Variants in CENPI observed in about 807,000 individuals in gnomAD.
The protein encoded by CENPI is FSH primary response 1.
Under a neutral mutation model 60.4 loss-of-function variants are expected in CENPI, and 4 were observed. The observed-to-expected ratio is 0.07, with a 90% CI of 0.03 to 0.15. CENPI has a LOEUF of 0.15. Among genes scored for constraint, CENPI ranks in the 10% least tolerant of loss-of-function variants. CENPI has a pLI of 1.00. For synonymous variants in CENPI, 157 were observed against 189.4 expected (o/e 0.83, Z 1.40); for missense variants, 444 against 534.5 (o/e 0.83, Z 1.67).
intron 20 of CENPI, among the ~76,000 whole-genome samples, chrX:101,155,961 T>G (rs1244497421): frequency 8.9e-6 from 1 of 112,081 alleles, no homozygotes; most frequent in African/African-American, 3.2e-5. Context: ...TAATAATTAT[T>G]ATGATGATGC....
intron 2 of CENPI, 84 bp from the exon 3 acceptor site, chrX:101,100,967 TATACTAA>T (rs2089408039): frequency 9.0e-6 from 5 of 554,476 alleles, no homozygotes; most frequent in Non-Finnish European, 1.2e-5. Context: ...CTAGCTATTG[TATACTAA>T]ATACTGGAAA....
intron 16 of CENPI, among the ~76,000 whole-genome samples, chrX:101,144,185 CA>C (rs1436207002): frequency 9.9e-6 from 1 of 100,934 alleles, no homozygotes; most frequent in Non-Finnish European, 2.0e-5. Flanking sequence ...CCTCCTGAAG[CA>C]ATTCTCCTGC....
rs1052341077 is a variant in CENPI, at chrX:101,107,240, G to A, written c.365-2233G>A. 7.3e-5 allele frequency among the ~76,000 whole-genome samples: 8 copies of A among 109,660 alleles called. No individual in the cohort carries two copies. In the East Asian group the frequency reaches 8.5e-4, roughly 12 times the overall value. ...ATGTAACACCTCATGCAAAGTGTCC[G>A]TCAGTAGCTTTAAATAAATCAGTCT... is the stretch of plus-strand genomic sequence containing the variant. On this transcript the variant is annotated intron_variant, in intron 4 of 21. Transcript: ENST00000682095.
chrX:101,104,970 A>G (rs1218832947), intron 4 of CENPI, among the ~76,000 whole-genome samples: 1 of 111,891 alleles, frequency 8.9e-6, no homozygotes, highest in Non-Finnish European at 1.9e-5. Context: ...GCATACTTGC[A>G]GGGGTGTGTG....
chrX:101,118,629 G>T (rs1399453735), intron 6 of CENPI, among the ~76,000 whole-genome samples: 1 of 111,690 alleles, frequency 9.0e-6, no homozygotes, highest in Non-Finnish European at 1.9e-5. Context: ...CTAAATATTT[G>T]CCAGAAAGGC....
the CENPI span, among the ~76,000 whole-genome samples, chrX:101,181,336 T>A: frequency 9.8e-5 from 11 of 112,348 alleles, 1 homozygote; most frequent in Admixed American, 2.8e-4. Context: ...TGTCAATTTC[T>A]GCAAAGAAAG....
chrX:101,138,248 G>A (rs111513523), intron 15 of CENPI, among the ~76,000 whole-genome samples: 5 of 107,128 alleles, frequency 4.7e-5, no homozygotes, highest in African/African-American at 1.7e-4. Context: ...TCGGCCTCCC[G>A]AAGTTCTGGG....
chrX:101,122,425 G>T (rs2089688326), intron 8 of CENPI, among the ~76,000 whole-genome samples: 1 of 110,981 alleles, frequency 9.0e-6, no homozygotes, highest in African/African-American at 3.3e-5. Flanking sequence ...TAGTTCCATG[G>T]GTACGATTAT....
rs1476794444 is a variant in CENPI at position 101,101,199 on chromosome X, A to G, written c.129A>G (p.Ser43=). Residue 43 remains serine (S), a synonymous_variant, in exon 3 of 22, where the codon TCA becomes TCG. Transcript: ENST00000682095. ...KQDPSNSKNI[S]KHGQNNPVGD... ...ATCCAAGCAACTCGAAGAACATCTC[A>G]AAACATGGACAAAACAATCCAGTGG... 8.3e-7 allele frequency: 1 copy of G among 1,204,634 alleles called. No homozygotes were observed.
At chrX:101,143,537 A>G (rs747123873) in intron 16 of CENPI, among the ~76,000 whole-genome samples, 2 of 112,466 alleles carry the variant, frequency 1.8e-5, no homozygotes, top group Non-Finnish European at 3.8e-5. Context: ...ATACATATAT[A>G]TATTTTGAGA....
intron 18 of CENPI, among the ~76,000 whole-genome samples, chrX:101,147,223 T>TG (rs1232171012): frequency 9.0e-6 from 1 of 111,606 alleles, no homozygotes. Flanking sequence ...TTAATTTTTT[T>TG]TTTATTATTT....
intron 15 of CENPI, among the ~76,000 whole-genome samples, chrX:101,138,043 A>G (rs1198440871): frequency 5.8e-5 from 1 of 17,118 alleles, no homozygotes; most frequent in African/African-American, 2.3e-4. Flanking sequence ...GCTGGAGTGC[A>G]ATGGCAGGAT....
intron 16 of CENPI, among the ~76,000 whole-genome samples, chrX:101,144,249 A>T (rs1248333725): frequency 9.3e-6 from 1 of 107,587 alleles, no homozygotes; most frequent in Admixed American, 1.0e-4. Context: ...CACCTGGCTA[A>T]TTTTTGTATT....
At chrX:101,157,811 C>T (rs369025274) in intron 20 of CENPI, among the ~76,000 whole-genome samples, 1 of 110,252 alleles carries the variant, frequency 9.1e-6, no homozygotes, top group East Asian at 2.8e-4. Flanking sequence ...ATGTTAAGAA[C>T]ATCCCCAATC....
In CENPI at chrX:101,128,696, C is replaced by A. The variant is rs374129924; in HGVS notation, c.1075-20C>A. ...ACTTTTCAGATACTTAACTGTTGAT[C>A]GGTTGTTCTGTCATTGCAGCTGCCT... On this transcript the variant is annotated intron_variant, in intron 11 of 21. Coordinates refer to ENST00000682095, the MANE Select transcript of CENPI (RefSeq NM_001386188.2). The A allele has an allele frequency of 1.7e-6, 2 of 1,195,439 alleles. No individual in the cohort carries two copies. The highest frequency in any genetic ancestry group is 1.8e-5 in the South Asian group (1 of 54,662).
the CENPI span, among the ~76,000 whole-genome samples, chrX:101,171,900 C>A: frequency 9.0e-6 from 1 of 111,378 alleles, no homozygotes; most frequent in Non-Finnish European, 1.9e-5. Context: ...GAGGTGGAAA[C>A]AAAATGAGAG....
chrX:101,124,656 GT>G (rs1392876148), intron 8 of CENPI, among the ~76,000 whole-genome samples: 1 of 111,024 alleles, frequency 9.0e-6, no homozygotes, highest in South Asian at 3.8e-4. Flanking sequence ...CATGGGGGCG[GT>G]TTCCCCCATG....
chrX:101,178,371 A>C, the CENPI span, among the ~76,000 whole-genome samples: 2 of 86,532 alleles, frequency 2.3e-5, no homozygotes, highest in Non-Finnish European at 4.6e-5. Flanking sequence ...CTTCCTTAGG[A>C]TCTATGCTTC....
At chrX:101,137,309 C>T (rs190655398) in intron 15 of CENPI, among the ~76,000 whole-genome samples, 6 of 111,955 alleles carry the variant, frequency 5.4e-5, no homozygotes, top group East Asian at 2.8e-4. Context: ...CTTCCCTTGG[C>T]GTACATTTAT....
Sources: gnomAD v4.1 joint callset for allele counts (sites outside exome capture counted in the v4.1 genomes callset) on GRCh38, gnomAD v4.1.1 for gene constraint, MANE v1.5 for transcripts, NCBI Gene and HGNC (gene_info 2026-07-23, HGNC 2026-07-21) for gene names.